Variants in SH3GL3 observed in about 807,000 individuals in gnomAD.
The protein encoded by SH3GL3 is SH3 domain containing GRB2 like 3, endophilin A3.
In SH3GL3, 33 loss-of-function variants were observed where a neutral mutation model predicts 47.7. The observed-to-expected ratio is 0.69, with a 90% CI of 0.52 to 0.92. The LOEUF is 0.92. Among genes scored for constraint, SH3GL3 ranks in the 40% least tolerant of loss-of-function variants. The pLI, the probability that SH3GL3 is intolerant of heterozygous loss-of-function variation, is 0.00. For synonymous variants in SH3GL3, 155 were observed against 148.8 expected, an observed-to-expected ratio of 1.04 and a Z score of -0.30; for missense variants, 363 against 417.8, an observed-to-expected ratio of 0.87 and a Z score of 1.14.
chr15:83,490,948 G>GTA, intron 1 of SH3GL3: 1 of 1,612,852 alleles, frequency 6.2e-7, no homozygotes, highest in Non-Finnish European at 8.5e-7. Flanking sequence ...GGGAAGAACA[G>GTA]TAAACTTGGA....
chr15:83,491,710 A>G lies in SH3GL3; in HGVS notation c.45+44132A>G, dbSNP rs116289591. Among the ~76,000 whole-genome samples the G allele has an allele frequency of 4.3e-3, 656 of 152,310 alleles. 4 individuals carry two copies. Among genetic ancestry groups the G allele is most frequent in the African/African-American group, 0.015 (625 of 41,568 alleles). ...AAGTCACAAGCAAACCCTGCTTCAAATCTGCTGGCAAGGCCTTTGAGTCAC... is the reference window on the plus strand; with the variant it reads ...AAGTCACAAGCAAACCCTGCTTCAAGTCTGCTGGCAAGGCCTTTGAGTCAC... On this transcript the variant is annotated intron_variant, in intron 1 of 8. Transcript: ENST00000427482.
At chr15:83,520,275 C>T (rs150228176) in intron 1 of SH3GL3, among the ~76,000 whole-genome samples, 122 of 152,240 alleles carry the variant, frequency 8.0e-4, no homozygotes, top group African/African-American at 2.8e-3. Flanking sequence ...TGGGGAGAGA[C>T]ACTATATCTT....
intron 1 of SH3GL3, among the ~76,000 whole-genome samples, chr15:83,503,889 C>T (rs922491346): frequency 5.3e-5 from 8 of 152,184 alleles, no homozygotes; most frequent in African/African-American, 1.9e-4. Context: ...CGCATTTCCC[C>T]ATGTCTTTAT....
rs146726911 is a variant in SH3GL3 at position 83,493,547 on chromosome 15, G to T, written c.45+45969G>T. On this transcript the variant is annotated intron_variant, in intron 1 of 8. Coordinates refer to ENST00000427482, the MANE Select transcript of SH3GL3 (RefSeq NM_003027.5). Reference sequence around the variant, plus strand: ...GTCTCAGTTCATGGCCCTCCTCCATGCTGGTGGCCTTCACCTCCTCCATTG... The same window carrying T: ...GTCTCAGTTCATGGCCCTCCTCCATTCTGGTGGCCTTCACCTCCTCCATTG... Among the ~76,000 whole-genome samples, 317 of 152,256 alleles carry T rather than the reference G, an allele frequency of 2.1e-3. 2 individuals are homozygous for T. Among genetic ancestry groups the T allele is most frequent in the Middle Eastern group, 0.02 (6 of 294 alleles).
intron 1 of SH3GL3, 110 bp from the exon 2 acceptor site, chr15:83,559,143 A>C: frequency 1.5e-6 from 1 of 668,898 alleles, no homozygotes; most frequent in Non-Finnish European, 2.6e-6. Context: ...TAGTTCAAAA[A>C]ATCCAACAAG....
chr15:83,627,177 C>G, the SH3GL3 span, among the ~76,000 whole-genome samples: 1 of 152,062 alleles, frequency 6.6e-6, no homozygotes, highest in Non-Finnish European at 1.5e-5. Context: ...GCGGGCGGAT[C>G]ACGAGGTCAG....
At chr15:83,460,950 G>A (rs2040263792) in intron 1 of SH3GL3, among the ~76,000 whole-genome samples, 1 of 152,076 alleles carries the variant, frequency 6.6e-6, no homozygotes, top group East Asian at 1.9e-4. Context: ...GGGCGTGGTG[G>A]CGGGCACCTG....
chr15:83,595,920 T>C (rs80063828), intron 8 of SH3GL3, among the ~76,000 whole-genome samples: 2,918 of 152,290 alleles, frequency 0.019, 37 homozygotes, highest in Non-Finnish European at 0.027. Context: ...TTATCAATTT[T>C]ATTGATCTTA....
At chr15:83,524,891 A>G (rs1208822176) in intron 1 of SH3GL3, among the ~76,000 whole-genome samples, 2 of 152,094 alleles carry the variant, frequency 1.3e-5, no homozygotes, top group East Asian at 1.9e-4. Context: ...TATATTCCAC[A>G]CTTTCTTTAT....
At chr15:83,616,780 A>G (rs1488215696) in intron 8 of SH3GL3, among the ~76,000 whole-genome samples, 1 of 152,162 alleles carries the variant, frequency 6.6e-6, no homozygotes, top group East Asian at 1.9e-4. Flanking sequence ...AGGAAGAGAA[A>G]TCGAGAAAAA....
intron 8 of SH3GL3, among the ~76,000 whole-genome samples, chr15:83,602,927 A>G (rs1489519439): frequency 6.6e-6 from 1 of 152,140 alleles, no homozygotes; most frequent in Admixed American, 6.5e-5. Flanking sequence ...ATTGCTGCTC[A>G]GGGACCTTGT....
intron 1 of SH3GL3, among the ~76,000 whole-genome samples, chr15:83,515,823 T>C (rs1041593266): frequency 1.3e-5 from 2 of 152,216 alleles, no homozygotes; most frequent in East Asian, 1.9e-4. Flanking sequence ...TGATTTTAAA[T>C]TGATGTTCTC....
the SH3GL3 span, among the ~76,000 whole-genome samples, chr15:83,630,428 G>T: frequency 6.6e-6 from 1 of 152,112 alleles, no homozygotes; most frequent in Non-Finnish European, 1.5e-5. Flanking sequence ...ATACATATCT[G>T]TGACTGTATT....
intron 8 of SH3GL3, among the ~76,000 whole-genome samples, chr15:83,590,832 A>G (rs1458711326): frequency 6.6e-6 from 1 of 152,070 alleles, no homozygotes; most frequent in Non-Finnish European, 1.5e-5. Flanking sequence ...CTTTCTATAT[A>G]TGTGATTTGC....
intron 8 of SH3GL3, among the ~76,000 whole-genome samples, chr15:83,604,493 T>C (rs1458832749): frequency 6.6e-6 from 1 of 152,204 alleles, no homozygotes; most frequent in African/African-American, 2.4e-5. Context: ...CTTAAGGTCA[T>C]AGGGACCTAG....
chr15:83,572,465 C>T (rs1407454384), intron 4 of SH3GL3, 100 bp from the exon 5 acceptor site: 1 of 1,009,480 alleles, frequency 9.9e-7, no homozygotes, highest in African/African-American at 1.6e-5. Flanking sequence ...CCTTGCTACA[C>T]CATCATCCAC....
At chr15:83,475,280 C>G (rs1465072994) in intron 1 of SH3GL3, among the ~76,000 whole-genome samples, 1 of 151,856 alleles carries the variant, frequency 6.6e-6, no homozygotes, top group Non-Finnish European at 1.5e-5. Context: ...GAGTTCGAGA[C>G]CAGCTTCGCC....
At chr15:83,479,447 A>G (rs914412932) in intron 1 of SH3GL3, among the ~76,000 whole-genome samples, 2 of 152,120 alleles carry the variant, frequency 1.3e-5, no homozygotes, top group Admixed American at 1.3e-4. Context: ...AAGGTGCACT[A>G]TTAATCAAGT....
intron 1 of SH3GL3, among the ~76,000 whole-genome samples, chr15:83,525,991 A>G (rs1158087960): frequency 6.6e-6 from 1 of 152,062 alleles, no homozygotes; most frequent in Non-Finnish European, 1.5e-5. Context: ...TCAGGATTGC[A>G]TTGGCTATTT....
Sources: allele counts gnomAD v4.1 joint callset (sites outside exome capture counted in the v4.1 genomes callset), GRCh38; gene constraint gnomAD v4.1.1; transcripts MANE v1.5; gene names NCBI Gene and HGNC (gene_info 2026-07-23, HGNC 2026-07-21).